The following ZNF486 variants were observed in gnomAD, a reference collection of about 807,000 sequenced individuals.
The protein encoded by ZNF486 is zinc finger protein 486.
In ZNF486, 12 loss-of-function variants were observed where a neutral mutation model predicts 12.8. The ratio of observed to expected loss-of-function variants is 0.94; its 90% CI spans 0.60 to 1.52. The LOEUF (loss-of-function observed/expected upper bound fraction) is 1.52. ZNF486 is among the 40% of genes most tolerant of loss of function. The pLI, the probability that ZNF486 is intolerant of heterozygous loss-of-function variation, is 0.00. For missense variants in ZNF486, 738 were observed against 545.0 expected (o/e 1.35, Z -3.53); for synonymous variants, 231 against 184.9 (o/e 1.25, Z -2.02).
intron 3 of ZNF486, among the ~76,000 whole-genome samples, chr19:20,193,981 T>C (rs2089932142): frequency 6.6e-6 from 1 of 152,236 alleles, no homozygotes; most frequent in South Asian, 2.1e-4. Flanking sequence ...AAATTCTTCA[T>C]CATTACATTT....
intron 3 of ZNF486, among the ~76,000 whole-genome samples, chr19:20,191,005 C>A (rs1470058776): frequency 6.6e-6 from 1 of 152,130 alleles, no homozygotes; most frequent in African/African-American, 2.4e-5. Context: ...ATTAAAAGAA[C>A]CTGGATCCTT....
In ZNF486 at chr19:20,197,904, A is replaced by AACTC; in HGVS notation, c.1196_1199dup (p.Thr401SerfsTer10). 6.2e-7 allele frequency: 1 copy of AACTC among 1,613,012 alleles called. No individual in the cohort carries two copies. ...CTGCAGGCCTCCATAAACATAGGAG[A>AACTC]ACTCATACTGGAGAGAAACCCTACA... On this transcript the variant is annotated frameshift_variant, in exon 4 of 4. Coordinates refer to ENST00000335117, the MANE Select transcript of ZNF486 (RefSeq NM_052852.4). LOFTEE classifies it low-confidence loss of function (END_TRUNC).
intron 1 of ZNF486, among the ~76,000 whole-genome samples, chr19:20,173,592 A>G (rs1477963677): frequency 6.6e-6 from 1 of 152,148 alleles, no homozygotes; most frequent in Non-Finnish European, 1.5e-5. Flanking sequence ...GCACTTTTGG[A>G]GGCTGAGGTG....
chr19:20,190,492 CT>C (rs1431473855), intron 3 of ZNF486, among the ~76,000 whole-genome samples: 5 of 152,122 alleles, frequency 3.3e-5, no homozygotes, highest in East Asian at 1.9e-4. Context: ...TCAAGTGATC[CT>C]TTCACCTCTG....
In ZNF486 at chr19:20,199,749, A is replaced by G. The variant is rs1461994314; in HGVS notation, c.*1647A>G. 6.6e-6 allele frequency: 1 copy of G among 151,644 alleles called. No homozygotes were observed. Among genetic ancestry groups the G allele is most frequent in the Non-Finnish European group, 1.5e-5 (1 of 67,912 alleles). 9.4% of individuals were successfully genotyped at this position (151,644 alleles called of 1,614,324 possible). A position where few individuals can be genotyped will look rare whatever the true frequency, so the allele number is the denominator to read the frequency against. On this transcript the variant is annotated 3_prime_UTR_variant, in exon 4 of 4. Transcript: ENST00000335117. ...TTTATTTGTGTATAACTTTAAAAGC[A>G]GATTTTTGGAAGCATTGTAATTACA...
chr19:20,184,420 C>A lies in ZNF486; in HGVS notation c.95C>A (p.Thr32Asn). Residue 32 changes from threonine (T) to asparagine (N), a missense_variant, in exon 2 of 4, where the codon ACT becomes AAT. Physicochemically the swap from Thr to Asn is moderately conservative, Grantham distance 65. Transcript: ENST00000335117. ...FSLEEWHCLD[T>N]AQQNLYRDVM... is the part of the protein sequence containing the mutation. Reference sequence around the variant, plus strand: ...CTGGAGGAGTGGCATTGCCTGGACACTGCACAGCAGAATTTATATAGGGAT... The same window carrying A: ...CTGGAGGAGTGGCATTGCCTGGACAATGCACAGCAGAATTTATATAGGGAT... 6.2e-7 allele frequency: 1 copy of A among 1,613,586 alleles called. No homozygotes were observed. The highest frequency in any genetic ancestry group is 8.5e-7 in the Non-Finnish European group (1 of 1,179,778).
At chr19:20,189,818 TGTCTA>T (rs2089885359) in intron 3 of ZNF486, among the ~76,000 whole-genome samples, 2 of 151,522 alleles carry the variant, frequency 1.3e-5, no homozygotes, top group Admixed American at 1.3e-4. Flanking sequence ...GAAATTTTGA[TGTCTA>T]GTGTAGTTAA....
rs1555718233 is a variant in ZNF486 at position 20,197,505 on chromosome 19, C to G, written c.795C>G (p.Pro265=). ...THKKIHSGEK[P]YICEECGKAF... is the part of the protein sequence containing the mutation. The stretch of plus-strand genomic sequence containing the variant: ...AGAAAATTCATAGTGGAGAGAAACC[C>G]TACATTTGTGAAGAATGTGGCAAAG... Residue 265 remains proline (P), a synonymous_variant, in exon 4 of 4, where the codon CCC becomes CCG. Coordinates refer to ENST00000335117, the MANE Select transcript of ZNF486 (RefSeq NM_052852.4). 1.9e-6 allele frequency: 3 copies of G among 1,608,612 alleles called. No individual in the cohort carries two copies. Among genetic ancestry groups the G allele is most frequent in the Admixed American group, 1.7e-5 (1 of 59,564 alleles).
At chr19:20,194,369 T>TA (rs1403455747) in intron 3 of ZNF486, among the ~76,000 whole-genome samples, 2 of 152,196 alleles carry the variant, frequency 1.3e-5, no homozygotes, top group Non-Finnish European at 2.9e-5. Flanking sequence ...GACAGCTTTT[T>TA]AAAAAAATTA....
chr19:20,171,515 A>C (rs2089648178), intron 1 of ZNF486, among the ~76,000 whole-genome samples: 1 of 152,174 alleles, frequency 6.6e-6, no homozygotes, highest in Non-Finnish European at 1.5e-5. Flanking sequence ...GTCTACTGGC[A>C]TGTCTCCACC....
intron 3 of ZNF486, among the ~76,000 whole-genome samples, chr19:20,195,495 T>C (rs1354563134): frequency 6.6e-6 from 1 of 152,226 alleles, no homozygotes; most frequent in African/African-American, 2.4e-5. Context: ...ATTTTAAAAA[T>C]TACTTTGTAT....
chr19:20,183,943 GA>G (rs34791235), intron 1 of ZNF486, among the ~76,000 whole-genome samples: 5 of 150,582 alleles, frequency 3.3e-5, no homozygotes, highest in African/African-American at 4.9e-5. Context: ...AGATCTTTTG[GA>G]AAAAAAAATC....
In ZNF486 at chr19:20,193,511, A is replaced by C. The variant is rs191189281; in HGVS notation, c.254-3453A>C. 2.0e-3 allele frequency among the ~76,000 whole-genome samples: 310 copies of C among 151,988 alleles called. 1 individual carries two copies. The Middle Eastern group carries it at 0.02, about 10-fold the overall frequency. ...GCTGTCTCTACTAAAAAATACAAACATTATCCGGGCATGCTGGCAGGTGCC... is the reference window on the plus strand; with the variant it reads ...GCTGTCTCTACTAAAAAATACAAACCTTATCCGGGCATGCTGGCAGGTGCC... On this transcript the variant is annotated intron_variant, in intron 3 of 3. Coordinates refer to ENST00000335117, the MANE Select transcript of ZNF486 (RefSeq NM_052852.4).
chr19:20,198,836 C>G lies in ZNF486; in HGVS notation c.*734C>G, dbSNP rs782698388. 5 of 152,250 alleles carry G rather than the reference C, an allele frequency of 3.3e-5. No homozygotes were observed. The highest frequency in any genetic ancestry group is 5.9e-5 in the Non-Finnish European group (4 of 68,028). The allele number at this position is 152,250 out of a possible 1,614,324, so 9.4% of individuals were successfully genotyped here. ...AATTCCCAGCCATAAGCTCTTAATT[C>G]TTAAGAGACATGGCGATAATTCATG... On this transcript the variant is annotated 3_prime_UTR_variant, in exon 4 of 4. Transcript: ENST00000335117.
chr19:20,169,386 T>G (rs550941879), intron 1 of ZNF486, among the ~76,000 whole-genome samples: 1 of 151,790 alleles, frequency 6.6e-6, no homozygotes, highest in East Asian at 2.0e-4. Context: ...TGGGATTACA[T>G]GCTTGCGCCA....
chr19:20,174,400 CTT>C (rs34383133), intron 1 of ZNF486, among the ~76,000 whole-genome samples: 2,008 of 142,456 alleles, frequency 0.014, 27 homozygotes, highest in Middle Eastern at 0.033. Flanking sequence ...TTTCTTTCTT[CTT>C]TTTTTTTTTT....
At chr19:20,184,226 T>C in intron 1 of ZNF486, 130 bp from the exon 2 acceptor site, 1 of 1,383,542 alleles carries the variant, frequency 7.2e-7, no homozygotes, top group Non-Finnish European at 9.7e-7. Flanking sequence ...GTATTGAAAA[T>C]TATTTTATTG....
At chr19:20,193,586 A>G (rs1270909090) in intron 3 of ZNF486, among the ~76,000 whole-genome samples, 1 of 152,236 alleles carries the variant, frequency 6.6e-6, no homozygotes, top group East Asian at 1.9e-4. Context: ...GCTTGAACCT[A>G]GAAGGCGGAC....
intron 3 of ZNF486, among the ~76,000 whole-genome samples, chr19:20,192,298 T>G (rs1426796031): frequency 6.6e-6 from 1 of 152,142 alleles, no homozygotes; most frequent in Non-Finnish European, 1.5e-5. Flanking sequence ...TTTTTCTTCA[T>G]ATGTATATAT....
Sources: gnomAD v4.1 joint callset for allele counts (sites outside exome capture counted in the v4.1 genomes callset) on GRCh38, gnomAD v4.1.1 for gene constraint, MANE v1.5 for transcripts, NCBI Gene and HGNC (gene_info 2026-07-23, HGNC 2026-07-21) for gene names.